PPFIA2: variants seen among roughly 807,000 people sequenced by gnomAD.
PPFIA2 encodes liprin-alpha-2.
PPFIA2 carries 46 observed loss-of-function variants against 175.5 expected under a neutral mutation model. The ratio of observed to expected loss-of-function variants is 0.26; its 90% CI spans 0.21 to 0.34. The LOEUF (loss-of-function observed/expected upper bound fraction) is 0.34. PPFIA2 is among the 10% of genes least tolerant of loss of function. The probability of loss-of-function intolerance (pLI) is 1.00; values close to 1 mark genes in which losing one functional copy is unlikely to be tolerated. For missense variants in PPFIA2, 1,179 were observed against 1,506.1 expected (o/e 0.78, Z 3.60); for synonymous variants, 568 against 511.4 (o/e 1.11, Z -1.49).
intron 28 of PPFIA2, among the ~76,000 whole-genome samples, chr12:81,269,687 G>T (rs1196391670): frequency 6.6e-6 from 1 of 152,072 alleles, no homozygotes; most frequent in Admixed American, 6.6e-5. Flanking sequence ...CGCCTTGCCC[G>T]ATTTATTTTT....
chr12:81,565,403 G>T (rs1011458997), intron 4 of PPFIA2, among the ~76,000 whole-genome samples: 1 of 152,120 alleles, frequency 6.6e-6, no homozygotes, highest in African/African-American at 2.4e-5. Context: ...TTTGGGACTC[G>T]GACTGGCTCT....
rs554233424 is a variant in PPFIA2 at position 81,271,565 on chromosome 12, G to A, written c.3311-3478C>T. Among the ~76,000 whole-genome samples, 5 of 152,162 alleles carry A rather than the reference G, an allele frequency of 3.3e-5. No individual in the cohort carries two copies. The South Asian group carries it at 6.2e-4, about 19-fold the overall frequency. On this transcript the variant is annotated intron_variant, in intron 28 of 32. Coordinates refer to ENST00000549396, the MANE Select transcript of PPFIA2 (RefSeq NM_003625.5). ...ATTATAGGCATGAGCCACCATGCCC[G>A]GCCCTCTATTAGCTTTTTATATTTA...
At chr12:81,493,143 G>A (rs1018130585) in intron 4 of PPFIA2, among the ~76,000 whole-genome samples, 4 of 152,038 alleles carry the variant, frequency 2.6e-5, no homozygotes, top group Admixed American at 6.6e-5. Context: ...TTTTTGATGC[G>A]TTAAATTGAG....
At chr12:81,659,445 C>A (rs528861660) in intron 4 of PPFIA2, among the ~76,000 whole-genome samples, 1 of 152,168 alleles carries the variant, frequency 6.6e-6, no homozygotes, top group Non-Finnish European at 1.5e-5. Flanking sequence ...GCCCATGGAG[C>A]CTTGCTCATT....
chr12:81,306,290 A>T (rs190242442), intron 22 of PPFIA2, among the ~76,000 whole-genome samples: 1 of 152,158 alleles, frequency 6.6e-6, no homozygotes, highest in East Asian at 1.9e-4. Context: ...CCCAAAATCA[A>T]ATTGCTTGAG....
intron 4 of PPFIA2, among the ~76,000 whole-genome samples, chr12:81,569,036 T>G (rs907152485): frequency 6.6e-6 from 1 of 152,170 alleles, no homozygotes; most frequent in Non-Finnish European, 1.5e-5. Flanking sequence ...ATAATGGTAT[T>G]CAAATAGGAC....
In PPFIA2 at chr12:81,384,036, C is replaced by T; in HGVS notation, c.971G>A (p.Arg324Lys). ...TGAATCACTTACCTCCCTAATGTCC[C>T]TTTGATACTTGGTGTTCATTTCTTC... ...KTEEMNTKYQ[R>K]DIREAMAQKE... The change falls in exon 9 of 33, where the codon AGG (arginine) becomes AAG (lysine). Residue 324 changes from arginine (R) to lysine (K), a missense_variant. This residue lies in a region of PPFIA2 where 226 missense variants were observed against 216.6 expected (regional missense o/e 1.04). Coordinates refer to ENST00000549396, the MANE Select transcript of PPFIA2 (RefSeq NM_003625.5). 2 of 1,611,400 alleles carry T rather than the reference C, an allele frequency of 1.2e-6. No individual in the cohort carries two copies. Among genetic ancestry groups the T allele is most frequent in the Non-Finnish European group, 1.7e-6 (2 of 1,178,084 alleles).
chr12:81,627,069 A>G (rs1399486741), intron 4 of PPFIA2, among the ~76,000 whole-genome samples: 2 of 152,038 alleles, frequency 1.3e-5, no homozygotes, highest in Non-Finnish European at 2.9e-5. Context: ...AAAAAGCAAG[A>G]GTCATTTTGA....
At chr12:81,335,705 T>C (rs923045741) in intron 21 of PPFIA2, among the ~76,000 whole-genome samples, 1 of 151,408 alleles carries the variant, frequency 6.6e-6, no homozygotes, top group Non-Finnish European at 1.5e-5. Flanking sequence ...ATTGTGCCAC[T>C]GCACTCCAGC....
At chr12:81,312,101 GA>G (rs879613701) in intron 22 of PPFIA2, 173 of 1,473,752 alleles carry the variant, frequency 1.2e-4, no homozygotes, top group Middle Eastern at 6.9e-4. Flanking sequence ...TCTGAAAAAA[GA>G]AAAAAAAAGA....
intron 15 of PPFIA2, among the ~76,000 whole-genome samples, chr12:81,360,374 A>T (rs1199100708): frequency 1.3e-5 from 2 of 151,862 alleles, no homozygotes; most frequent in Non-Finnish European, 2.9e-5. Context: ...TCTTGCATGT[A>T]ATCTCATTAA....
chr12:81,407,047 T>C (rs1368923299), intron 7 of PPFIA2, among the ~76,000 whole-genome samples: 2 of 152,220 alleles, frequency 1.3e-5, no homozygotes, highest in Non-Finnish European at 2.9e-5. Context: ...TAGGTATATG[T>C]TCTTTTCTCT....
At chr12:81,438,937 T>A (rs1342163719) in intron 7 of PPFIA2, among the ~76,000 whole-genome samples, 3 of 152,068 alleles carry the variant, frequency 2.0e-5, no homozygotes, top group Admixed American at 6.5e-5. Context: ...ACTGAAAATT[T>A]GTACCCATTA....
intron 21 of PPFIA2, among the ~76,000 whole-genome samples, chr12:81,338,710 C>A (rs867392063): frequency 6.6e-6 from 1 of 151,848 alleles, no homozygotes; most frequent in African/African-American, 2.4e-5. Context: ...ATTCTTTCAA[C>A]AAAAAAACCT....
intron 15 of PPFIA2, among the ~76,000 whole-genome samples, chr12:81,360,228 A>C (rs1390675812): frequency 1.3e-5 from 2 of 151,814 alleles, no homozygotes; most frequent in African/African-American, 4.8e-5. Context: ...ATATTATCAT[A>C]CTAGTTCAAT....
At chr12:81,277,198 T>C (rs759583381) in intron 28 of PPFIA2, 119 bp downstream of exon 28, 46 of 782,420 alleles carry the variant, frequency 5.9e-5, no homozygotes, top group Non-Finnish European at 7.9e-5. Flanking sequence ...GTAACAATTC[T>C]AGCCAAATAC....
chr12:81,383,247 T>C (rs1048272250), intron 9 of PPFIA2, among the ~76,000 whole-genome samples: 5 of 152,096 alleles, frequency 3.3e-5, no homozygotes, highest in Non-Finnish European at 7.4e-5. Flanking sequence ...AAGATACTTT[T>C]AAAAGATAAA....
intron 24 of PPFIA2, among the ~76,000 whole-genome samples, chr12:81,286,594 T>C (rs1365132469): frequency 6.6e-6 from 1 of 152,022 alleles, no homozygotes; most frequent in Admixed American, 6.6e-5. Flanking sequence ...TTTAGGTTTA[T>C]GTAAGTATGC....
At chr12:81,521,976 A>G (rs1345598883) in intron 4 of PPFIA2, among the ~76,000 whole-genome samples, 1 of 152,186 alleles carries the variant, frequency 6.6e-6, no homozygotes, top group Non-Finnish European at 1.5e-5. Context: ...TCTTTTTCCA[A>G]CCAAACATGA....
Sources: allele counts gnomAD v4.1 joint callset (sites outside exome capture counted in the v4.1 genomes callset), GRCh38; gene constraint gnomAD v4.1.1; regional missense constraint gnomAD v4.1.1; transcripts MANE v1.5; gene names NCBI Gene and HGNC (gene_info 2026-07-23, HGNC 2026-07-21).